Variants in PLEKHH2 observed in about 807,000 individuals in gnomAD.
PLEKHH2 encodes the protein pleckstrin homology domain-containing family H member 2.
A neutral mutation model predicts 187.9 loss-of-function variants in PLEKHH2; 129 were observed. The observed-to-expected ratio is 0.69, with a 90% CI of 0.59 to 0.79. The LOEUF is 0.79. Among genes scored for constraint, PLEKHH2 ranks in the 30% least tolerant of loss-of-function variants. PLEKHH2 has a pLI of 0.00. For synonymous variants in PLEKHH2, 686 were observed against 605.6 expected, an observed-to-expected ratio of 1.13 and a Z score of -1.95; for missense variants, 2,076 against 1,751.2, an observed-to-expected ratio of 1.19 and a Z score of -3.31.
intron 2 of PLEKHH2, among the ~76,000 whole-genome samples, chr2:43,649,133 A>G (rs1325874326): frequency 6.6e-6 from 1 of 152,190 alleles, no homozygotes; most frequent in Non-Finnish European, 1.5e-5. Context: ...AGTCTTGGGC[A>G]AGTGCTGCTG....
At chr2:43,710,692 G>T (rs1166425939) in intron 14 of PLEKHH2, 117 bp downstream of exon 14, 3 of 1,467,830 alleles carry the variant, frequency 2.0e-6, no homozygotes, top group Non-Finnish European at 1.8e-6. Flanking sequence ...TCACTTTGGG[G>T]GGTTAGTTTG....
intron 19 of PLEKHH2, among the ~76,000 whole-genome samples, chr2:43,732,673 C>T (rs372706011): frequency 6.6e-6 from 1 of 152,158 alleles, no homozygotes; most frequent in Non-Finnish European, 1.5e-5. Flanking sequence ...TCTCTAAGAC[C>T]TTTGTTTTGA....
chr2:43,660,507 T>C (rs1667014591), intron 2 of PLEKHH2, among the ~76,000 whole-genome samples: 1 of 143,172 alleles, frequency 7.0e-6, no homozygotes, highest in African/African-American at 2.8e-5. Context: ...TTAGGGTACA[T>C]GTGCACATTG....
At chr2:43,642,614 T>C (rs1017431019) in intron 1 of PLEKHH2, among the ~76,000 whole-genome samples, 1 of 152,270 alleles carries the variant, frequency 6.6e-6, no homozygotes, top group South Asian at 2.1e-4. Context: ...ACGTCCTCTA[T>C]CAGGATGAGG....
intron 8 of PLEKHH2, among the ~76,000 whole-genome samples, chr2:43,702,258 A>G (rs971107448): frequency 6.6e-6 from 1 of 152,208 alleles, no homozygotes; most frequent in Non-Finnish European, 1.5e-5. Context: ...TTTTTCTAAT[A>G]TAAATTCAGA....
At chr2:43,693,905 C>T (rs923569606) in intron 4 of PLEKHH2, among the ~76,000 whole-genome samples, 1 of 152,020 alleles carries the variant, frequency 6.6e-6, no homozygotes, top group Non-Finnish European at 1.5e-5. Flanking sequence ...TGGTTTTCAG[C>T]TTTCTACCAC....
chr2:43,763,874 G>A (rs17031424), intron 28 of PLEKHH2, among the ~76,000 whole-genome samples: 3,005 of 151,962 alleles, frequency 0.02, 111 homozygotes, highest in African/African-American at 0.067. Flanking sequence ...TCAGTAATAT[G>A]GCTTAACCTA....
chr2:43,733,501 T>C (rs1257523405), intron 19 of PLEKHH2, among the ~76,000 whole-genome samples: 2 of 152,184 alleles, frequency 1.3e-5, no homozygotes, highest in African/African-American at 4.8e-5. Flanking sequence ...CATTTTTCCC[T>C]AGTCTCTTGG....
At chr2:43,643,073 G>A (rs1167610817) in intron 1 of PLEKHH2, among the ~76,000 whole-genome samples, 1 of 152,066 alleles carries the variant, frequency 6.6e-6, no homozygotes, top group Non-Finnish European at 1.5e-5. Context: ...AAATGAAGCA[G>A]CCCCAGAACT....
rs1668864196 is a variant in PLEKHH2 at position 43,692,674 on chromosome 2, A to C, written c.336+11A>C. ...CAACTTGAAGAGCAGGTTAGGAAGA[A>C]TTTGATAAAGAGTTCTAAGTGTGTG... On this transcript the variant is annotated intron_variant, in intron 4 of 29. Transcript: ENST00000282406. The C allele has an allele frequency of 6.2e-7, 1 of 1,610,700 alleles. No individual in the cohort carries two copies. Among genetic ancestry groups the C allele is most frequent in the Non-Finnish European group, 8.5e-7 (1 of 1,178,188 alleles).
chr2:43,765,754 T>A lies in PLEKHH2; in HGVS notation c.*156T>A. 1 of 659,294 alleles carries A rather than the reference T, an allele frequency of 1.5e-6. No homozygotes were observed. Among genetic ancestry groups the A allele is most frequent in the Non-Finnish European group, 2.3e-6 (1 of 427,732 alleles). The allele number at this position is 659,294 out of a possible 1,614,324, so 40.8% of individuals were successfully genotyped here. A position where few individuals can be genotyped will look rare whatever the true frequency, so the allele number is the denominator to read the frequency against. ...TAGTCTCTTTTATTTGATTCTTAAATATTCAAATAAATATTAACAGTAAAA... is the reference window on the plus strand; with the variant it reads ...TAGTCTCTTTTATTTGATTCTTAAAAATTCAAATAAATATTAACAGTAAAA... On this transcript the variant is annotated 3_prime_UTR_variant, in exon 30 of 30. Coordinates refer to ENST00000282406, the MANE Select transcript of PLEKHH2 (RefSeq NM_172069.4).
intron 2 of PLEKHH2, among the ~76,000 whole-genome samples, chr2:43,660,608 A>C (rs1667022763): frequency 1.3e-4 from 14 of 106,928 alleles, no homozygotes; most frequent in South Asian, 3.4e-4. Flanking sequence ...TCCCAATGCC[A>C]CCCCTCCCCC....
rs747799807 is a variant in PLEKHH2 at position 43,692,516 on chromosome 2, A to G, written c.189A>G (p.Val63=). Residue 63 remains valine (V), a splice_region_variant and synonymous_variant, in exon 4 of 30, where the codon GTA becomes GTG. Coordinates refer to ENST00000282406, the MANE Select transcript of PLEKHH2 (RefSeq NM_172069.4). ...ERQAEKAFQQ[V]QVMEDKLKAA... Reference sequence around the variant, plus strand: ...AATATTTTATCCTTTGAATTTAGGTACAAGTTATGGAAGATAAATTAAAAG... The same window carrying G: ...AATATTTTATCCTTTGAATTTAGGTGCAAGTTATGGAAGATAAATTAAAAG... 3.2e-6 allele frequency: 5 copies of G among 1,562,174 alleles called. No homozygotes were observed. Among genetic ancestry groups the G allele is most frequent in the South Asian group, 1.1e-5 (1 of 87,272 alleles).
intron 4 of PLEKHH2, among the ~76,000 whole-genome samples, chr2:43,693,019 A>G (rs571192695): frequency 5.3e-5 from 8 of 152,100 alleles, no homozygotes; most frequent in South Asian, 2.1e-4. Context: ...CCCACAACCA[A>G]CAGGTTCAAG....
At chr2:43,727,847 A>G (rs1572628738) in intron 17 of PLEKHH2, among the ~76,000 whole-genome samples, 1 of 152,260 alleles carries the variant, frequency 6.6e-6, no homozygotes, top group African/African-American at 2.4e-5. Context: ...TACCTCTCAT[A>G]TGATTTGAAA....
chr2:43,657,174 G>A (rs943400477), intron 2 of PLEKHH2, among the ~76,000 whole-genome samples: 2 of 152,220 alleles, frequency 1.3e-5, no homozygotes, highest in African/African-American at 4.8e-5. Context: ...TGGCAAATCA[G>A]CTGGAGGGTG....
intron 2 of PLEKHH2, 85 bp downstream of exon 2, chr2:43,644,881 G>T: frequency 3.0e-6 from 4 of 1,351,764 alleles, no homozygotes; most frequent in East Asian, 2.6e-5. Flanking sequence ...AGTACTTTGG[G>T]GGTTTGATTT....
At chr2:43,704,244 C>T (rs562828307) in intron 9 of PLEKHH2, among the ~76,000 whole-genome samples, 188 bp downstream of exon 9, 1 of 151,936 alleles carries the variant, frequency 6.6e-6, no homozygotes, top group South Asian at 2.1e-4. Context: ...TCAGGGTGTG[C>T]GTGGAGAAGC....
chr2:43,753,580 A>C (rs1672087934), intron 24 of PLEKHH2, 39 bp from the exon 25 acceptor site: 1 of 1,393,954 alleles, frequency 7.2e-7, no homozygotes, highest in South Asian at 1.7e-5. Flanking sequence ...TCCTTGTAAG[A>C]ATATAATTTA....
Sources: gnomAD v4.1 joint callset for allele counts (sites outside exome capture counted in the v4.1 genomes callset) on GRCh38, gnomAD v4.1.1 for gene constraint, MANE v1.5 for transcripts, NCBI Gene and HGNC (gene_info 2026-07-23, HGNC 2026-07-21) for gene names.